The following ADGRB3 variants were observed in gnomAD, a reference collection of about 807,000 sequenced individuals.
ADGRB3 encodes adhesion G protein-coupled receptor B3.
Under a neutral mutation model 193.4 loss-of-function variants are expected in ADGRB3, and 37 were observed. That is an observed-to-expected ratio of 0.19 (90% CI 0.15 to 0.25). The LOEUF is 0.25. ADGRB3 is among the 10% of genes least tolerant of loss of function. The pLI is 1.00. For synonymous variants in ADGRB3, 690 were observed against 644.2 expected (o/e 1.07, Z -1.08); for missense variants, 1,637 against 1,852.9 (o/e 0.88, Z 2.14).
chr6:69,334,654 A>C (rs1768807095), intron 24 of ADGRB3, among the ~76,000 whole-genome samples: 1 of 152,214 alleles, frequency 6.6e-6, no homozygotes, highest in African/African-American at 2.4e-5. Flanking sequence ...AAGCTTCTTC[A>C]GTTATTTCTG....
intron 20 of ADGRB3, among the ~76,000 whole-genome samples, chr6:69,304,520 T>C (rs1768023559): frequency 6.6e-6 from 1 of 151,678 alleles, no homozygotes; most frequent in African/African-American, 2.4e-5. Context: ...TTTTCTGTCT[T>C]CTTTATGTTT....
At chr6:69,021,526 G>A (rs561436556) in intron 13 of ADGRB3, among the ~76,000 whole-genome samples, 7 of 151,968 alleles carry the variant, frequency 4.6e-5, no homozygotes, top group African/African-American at 1.7e-4. Flanking sequence ...CACATGTATA[G>A]CAAATAGAAT....
chr6:69,336,410 A>ATTT (rs35946396), intron 24 of ADGRB3, among the ~76,000 whole-genome samples: 1 of 148,274 alleles, frequency 6.7e-6, no homozygotes, highest in African/African-American at 2.5e-5. Flanking sequence ...ATTTCATGTG[A>ATTT]TTTTTTTTTT....
At chr6:68,729,869 C>A (rs1765739953) in intron 3 of ADGRB3, among the ~76,000 whole-genome samples, 2 of 151,504 alleles carry the variant, frequency 1.3e-5, no homozygotes, top group African/African-American at 4.8e-5. Context: ...CACCAAAAAT[C>A]TCTTCGGCCA....
chr6:69,070,194 T>G (rs1302562128), intron 16 of ADGRB3, among the ~76,000 whole-genome samples: 1 of 152,170 alleles, frequency 6.6e-6, no homozygotes, highest in East Asian at 1.9e-4. Flanking sequence ...ATTATTTTGT[T>G]TCAAGGAGGC....
chr6:68,936,041 G>A (rs370575792), intron 4 of ADGRB3, among the ~76,000 whole-genome samples: 55 of 152,196 alleles, frequency 3.6e-4, no homozygotes, highest in African/African-American at 9.6e-4. Flanking sequence ...AATTAGATGC[G>A]TCCAAGCTCC....
intron 26 of ADGRB3, among the ~76,000 whole-genome samples, chr6:69,343,250 T>C (rs1488512617): frequency 6.6e-6 from 1 of 151,508 alleles, no homozygotes; most frequent in East Asian, 1.9e-4. Flanking sequence ...TAGTTACATA[T>C]GTATACATGT....
At chr6:69,197,043 G>A (rs1392286145) in intron 17 of ADGRB3, among the ~76,000 whole-genome samples, 1 of 151,968 alleles carries the variant, frequency 6.6e-6, no homozygotes, top group African/African-American at 2.4e-5. Flanking sequence ...TTTACCCTTT[G>A]CCAACTATAT....
At chr6:68,974,069 C>G (rs1045392814) in intron 8 of ADGRB3, among the ~76,000 whole-genome samples, 1 of 151,944 alleles carries the variant, frequency 6.6e-6, no homozygotes, top group East Asian at 1.9e-4. Flanking sequence ...TATTTTTACT[C>G]TTTATGCTTA....
At chr6:69,146,821 C>CTTTTTTTTTTTT (rs756561473) in intron 17 of ADGRB3, among the ~76,000 whole-genome samples, 259 of 102,956 alleles carry the variant, frequency 2.5e-3, no homozygotes, top group Middle Eastern at 7.0e-3. Context: ...CTCATTACTT[C>CTTTTTTTTTTTT]TTTTTTTTTT....
chr6:68,986,342 T>C (rs1371099881), intron 10 of ADGRB3, among the ~76,000 whole-genome samples: 3 of 152,094 alleles, frequency 2.0e-5, no homozygotes, highest in Non-Finnish European at 2.9e-5. Context: ...CCATTCTGAG[T>C]TCTATGTGAT....
rs568192444 is a variant in ADGRB3, at chr6:68,931,270, T to C, written c.868+601T>C. Among the ~76,000 whole-genome samples the C allele has an allele frequency of 2.1e-4, 32 of 152,142 alleles. 1 individual carries two copies. In the South Asian group the frequency reaches 6.4e-3, roughly 31 times the overall value. On this transcript the variant is annotated intron_variant, in intron 4 of 31. Transcript: ENST00000370598. The stretch of plus-strand genomic sequence containing the variant: ...CTGACTTTCTACTTTATAAAATGTT[T>C]AATTCTAAATTAATTAGATTACTTT...
chr6:68,913,745 G>C (rs1018687527), intron 3 of ADGRB3, among the ~76,000 whole-genome samples: 1 of 152,100 alleles, frequency 6.6e-6, no homozygotes, highest in Admixed American at 6.6e-5. Context: ...AAACTACTCC[G>C]AACTACAGGA....
intron 17 of ADGRB3, among the ~76,000 whole-genome samples, chr6:69,117,147 A>C (rs557313129): frequency 3.9e-5 from 6 of 152,376 alleles, no homozygotes; most frequent in Admixed American, 6.5e-5. Context: ...TACAATCTTA[A>C]ATTTAGAATA....
At position 68,910,542 on chromosome 6, in the gene ADGRB3, T is replaced by C. The variant is rs573915569; in HGVS notation, c.758-20017T>C. Among the ~76,000 whole-genome samples the C allele has an allele frequency of 6.6e-5, 10 of 152,342 alleles. No individual in the cohort carries two copies. In the East Asian group the frequency reaches 1.7e-3, roughly 26 times the overall value. The stretch of plus-strand genomic sequence containing the variant: ...TCTAGGGTTTTTATGGTTTTAGGTC[T>C]AACATTTAAGTCTTTAATCCATCTT... On this transcript the variant is annotated intron_variant, in intron 3 of 31. Transcript: ENST00000370598.
chr6:69,176,363 T>C (rs1775423015), intron 17 of ADGRB3, among the ~76,000 whole-genome samples: 1 of 152,206 alleles, frequency 6.6e-6, no homozygotes, highest in African/African-American at 2.4e-5. Flanking sequence ...TTAGATTTTA[T>C]CAAGAGCTTT....
At chr6:69,359,081 GT>G (rs1205043326) in intron 28 of ADGRB3, among the ~76,000 whole-genome samples, 1 of 151,254 alleles carries the variant, frequency 6.6e-6, no homozygotes, top group Non-Finnish European at 1.5e-5. Context: ...TTCCTTTATA[GT>G]TTTTTAATAA....
chr6:68,645,925 C>A lies in ADGRB3; in HGVS notation c.757+6493C>A, dbSNP rs1366420861. On this transcript the variant is annotated intron_variant, in intron 3 of 31. Transcript: ENST00000370598. Reference sequence around the variant, plus strand: ...CTGACCTCAGGTGATCCACCTGCCTCGGCCTCCCAAGTGCTAGGATTACAG... The same window carrying A: ...CTGACCTCAGGTGATCCACCTGCCTAGGCCTCCCAAGTGCTAGGATTACAG... Among the ~76,000 whole-genome samples the A allele has an allele frequency of 2.6e-5, 4 of 152,008 alleles. No individual in the cohort carries two copies. In the East Asian group the frequency reaches 7.9e-4, roughly 30 times the overall value.
At chr6:69,082,141 T>G (rs1165673681) in intron 17 of ADGRB3, among the ~76,000 whole-genome samples, 1 of 152,106 alleles carries the variant, frequency 6.6e-6, no homozygotes, top group African/African-American at 2.4e-5. Flanking sequence ...GAAATCATAA[T>G]GTCTGCAACT....
Sources: allele counts gnomAD v4.1 joint callset (sites outside exome capture counted in the v4.1 genomes callset), GRCh38; gene constraint gnomAD v4.1.1; transcripts MANE v1.5; gene names NCBI Gene and HGNC (gene_info 2026-07-23, HGNC 2026-07-21).